The following GLIS3 variants were observed in gnomAD, a reference collection of about 807,000 sequenced individuals.
GLIS3 encodes the protein zinc finger protein GLIS3.
A neutral mutation model predicts 78.6 loss-of-function variants in GLIS3; 53 were observed. The observed-to-expected ratio is 0.67, with a 90% CI of 0.54 to 0.85. The LOEUF is 0.85. Ranked by LOEUF, GLIS3 falls within the 40% of genes least tolerant of loss-of-function variation. The pLI is 0.00. For missense variants in GLIS3, 1,703 were observed against 1,231.1 expected (o/e 1.38, Z -5.74); for synonymous variants, 684 against 509.9 (o/e 1.34, Z -4.60).
chr9:4,304,498 T>A (rs1315549861), upstream of GLIS3, among the ~76,000 whole-genome samples: 1 of 152,164 alleles, frequency 6.6e-6, no homozygotes, highest in East Asian at 1.9e-4. Context: ...TGACACCCAC[T>A]ACTAAACCAG....
At chr9:4,251,559 A>C (rs1315654348) in intron 2 of GLIS3, among the ~76,000 whole-genome samples, 1 of 151,788 alleles carries the variant, frequency 6.6e-6, no homozygotes, top group African/African-American at 2.4e-5. Flanking sequence ...TTGAGTCTTT[A>C]CCCAATTTGC....
At chr9:3,984,612 TTTGAG>T (rs1396026384) in intron 4 of GLIS3, among the ~76,000 whole-genome samples, 2 of 152,190 alleles carry the variant, frequency 1.3e-5, no homozygotes, top group Non-Finnish European at 2.9e-5. Flanking sequence ...ACTGTAGACT[TTTGAG>T]TTAATGTTGA....
intron 4 of GLIS3, among the ~76,000 whole-genome samples, chr9:3,943,160 G>A (rs559298616): frequency 6.6e-6 from 1 of 152,314 alleles, no homozygotes; most frequent in African/African-American, 2.4e-5. Flanking sequence ...TCTGTTTCCA[G>A]TGCATTCTTA....
intron 2 of GLIS3, 140 bp downstream of exon 2, chr9:4,285,898 G>C (rs1459231358): frequency 1.9e-6 from 2 of 1,035,688 alleles, no homozygotes; most frequent in Non-Finnish European, 3.0e-6. Flanking sequence ...TACTGAGCAA[G>C]CTATATATCA....
intron 4 of GLIS3, among the ~76,000 whole-genome samples, chr9:4,063,130 A>G (rs949669986): frequency 1.1e-4 from 17 of 152,164 alleles, no homozygotes; most frequent in African/African-American, 3.9e-4. Flanking sequence ...CATCTGAGTC[A>G]GCACCACCTT....
At chr9:3,989,130 A>G (rs1045391572) in intron 4 of GLIS3, among the ~76,000 whole-genome samples, 6 of 152,232 alleles carry the variant, frequency 3.9e-5, no homozygotes, top group Non-Finnish European at 8.8e-5. Context: ...CAGACGGTAA[A>G]TAAGCATATG....
intron 2 of GLIS3, among the ~76,000 whole-genome samples, chr9:4,251,117 T>G (rs1261647266): frequency 6.6e-6 from 1 of 152,220 alleles, no homozygotes; most frequent in African/African-American, 2.4e-5. Context: ...AAATGTCTAT[T>G]AGGTCCACTT....
rs1468086249 is a variant in GLIS3, at chr9:3,977,640, C to A, written c.1711-40451G>T. 6.6e-6 allele frequency among the ~76,000 whole-genome samples: 1 copy of A among 152,254 alleles called. No individual in the cohort carries two copies. The highest frequency in any genetic ancestry group is 2.1e-4 in the South Asian group (1 of 4,828). On this transcript the variant is annotated intron_variant, in intron 4 of 10. Coordinates refer to ENST00000381971, the MANE Select transcript of GLIS3 (RefSeq NM_001042413.2). This position sits in a 1 kb window ranked among gnomAD's most constrained non-coding sequence, Gnocchi z 4.1. ...CCGATTTTAATTAGACGGCTTAAAGCAGCCACATCAATAATGGCAGAATGA... is the reference window on the plus strand; with the variant it reads ...CCGATTTTAATTAGACGGCTTAAAGAAGCCACATCAATAATGGCAGAATGA...
intron 8 of GLIS3, among the ~76,000 whole-genome samples, chr9:3,878,129 C>T (rs1263150951): frequency 1.3e-5 from 2 of 152,088 alleles, no homozygotes; most frequent in African/African-American, 4.8e-5. Context: ...TGCTGTGCCC[C>T]CACTGAGGCA....
intron 2 of GLIS3, among the ~76,000 whole-genome samples, chr9:4,277,235 C>A (rs1343270479): frequency 6.6e-6 from 1 of 152,080 alleles, no homozygotes; most frequent in Non-Finnish European, 1.5e-5. Context: ...AAATACTTTT[C>A]CTAAGTATAG....
chr9:4,069,020 C>A (rs997501818), intron 4 of GLIS3, among the ~76,000 whole-genome samples: 2 of 152,028 alleles, frequency 1.3e-5, no homozygotes, highest in Admixed American at 1.3e-4. Context: ...AAGTAAGTGG[C>A]TTGTTCATGT....
intron 1 of GLIS3, among the ~76,000 whole-genome samples, chr9:4,291,442 T>C (rs555781891): frequency 1.3e-5 from 2 of 152,276 alleles, no homozygotes; most frequent in East Asian, 1.9e-4. Flanking sequence ...GTTTTAACTT[T>C]TCATTTTTAT....
At chr9:4,221,945 G>C (rs1821364398) in intron 2 of GLIS3, among the ~76,000 whole-genome samples, 1 of 152,228 alleles carries the variant, frequency 6.6e-6, no homozygotes, top group African/African-American at 2.4e-5. Flanking sequence ...TCCATCCTAT[G>C]TACAGCTCTG....
chr9:4,270,379 T>G (rs1352728877), intron 2 of GLIS3, among the ~76,000 whole-genome samples: 1 of 152,202 alleles, frequency 6.6e-6, no homozygotes, highest in Non-Finnish European at 1.5e-5. Flanking sequence ...ATTTATCACC[T>G]CAGTCTCCAT....
At chr9:4,393,351 A>G in the GLIS3 span, among the ~76,000 whole-genome samples, 1 of 152,158 alleles carries the variant, frequency 6.6e-6, no homozygotes, top group Non-Finnish European at 1.5e-5. Flanking sequence ...TATTCAGCGT[A>G]TATTTTACTT....
At chr9:3,889,943 G>T (rs1822320051) in intron 7 of GLIS3, among the ~76,000 whole-genome samples, 1 of 152,142 alleles carries the variant, frequency 6.6e-6, no homozygotes, top group Non-Finnish European at 1.5e-5. Flanking sequence ...AAAGACTAGG[G>T]AACTGTTTTT....
intron 2 of GLIS3, among the ~76,000 whole-genome samples, chr9:4,163,899 G>C (rs956998134): frequency 2.0e-5 from 3 of 152,126 alleles, no homozygotes; most frequent in African/African-American, 7.2e-5. Flanking sequence ...AATGAGTAAG[G>C]CCAGTGCTTT....
chr9:3,880,194 T>C (rs1029293550), intron 7 of GLIS3, among the ~76,000 whole-genome samples: 2 of 152,158 alleles, frequency 1.3e-5, no homozygotes, highest in Non-Finnish European at 2.9e-5. Context: ...TACTTGGCCT[T>C]CATCAAAGGA....
chr9:4,238,752 C>T (rs1823014940), intron 2 of GLIS3, among the ~76,000 whole-genome samples: 1 of 152,130 alleles, frequency 6.6e-6, no homozygotes, highest in Non-Finnish European at 1.5e-5. Flanking sequence ...CATCTTTCTT[C>T]CAGAGTTGGC....
Sources: gnomAD v4.1 joint callset for allele counts (sites outside exome capture counted in the v4.1 genomes callset) on GRCh38, gnomAD v4.1.1 for gene constraint, Gnocchi (gnomAD v3.1) non-coding constraint, MANE v1.5 for transcripts, NCBI Gene and HGNC (gene_info 2026-07-23, HGNC 2026-07-21) for gene names.